Variants in FBXO41 observed in about 807,000 individuals in gnomAD.
The protein encoded by FBXO41 is F-box protein 41.
Under a neutral mutation model 81.6 loss-of-function variants are expected in FBXO41, and 33 were observed. The observed-to-expected ratio is 0.40, with a 90% CI of 0.31 to 0.54. The LOEUF is 0.54. Among genes scored for constraint, FBXO41 ranks in the 20% least tolerant of loss-of-function variants. FBXO41 has a pLI of 0.39. For synonymous variants in FBXO41, 576 were observed against 552.7 expected (o/e 1.04, Z -0.59); for missense variants, 1,107 against 1,236.0 (o/e 0.90, Z 1.56).
At chr2:73,281,811 A>G (rs1047854276) in intron 1 of FBXO41, among the ~76,000 whole-genome samples, 1 of 152,180 alleles carries the variant, frequency 6.6e-6, no homozygotes, top group African/African-American at 2.4e-5. Context: ...TAAATCCAGA[A>G]ATTCTGGGGT....
intron 1 of FBXO41, among the ~76,000 whole-genome samples, chr2:73,281,811 A>C (rs1047854276): frequency 6.6e-6 from 1 of 152,180 alleles, no homozygotes; most frequent in South Asian, 2.1e-4. Flanking sequence ...TAAATCCAGA[A>C]ATTCTGGGGT....
chr2:73,260,361 C>A lies in FBXO41; in HGVS notation c.2449+28G>T. The A allele has an allele frequency of 1.2e-6, 2 of 1,606,896 alleles. No individual in the cohort carries two copies. Among genetic ancestry groups the A allele is most frequent in the Non-Finnish European group, 1.7e-6 (2 of 1,175,808 alleles). On this transcript the variant is annotated intron_variant, in intron 11 of 12. Coordinates refer to ENST00000520530, the MANE Select transcript of FBXO41 (RefSeq NM_001371389.2). This position sits in a 1 kb window ranked among gnomAD's most constrained non-coding sequence, Gnocchi z 5.0. ...GGCCCCGTGGCAGGTGATAGTCGTA[C>A]CCTGCCCCTCATTCCCCCAGTGCTC...
chr2:73,261,782 C>T (rs1688029876), intron 9 of FBXO41, among the ~76,000 whole-genome samples: 1 of 152,222 alleles, frequency 6.6e-6, no homozygotes, highest in African/African-American at 2.4e-5. Flanking sequence ...TTTCCCTAAA[C>T]ATTTCAACCC....
chr2:73,280,080 T>C (rs376931868), intron 1 of FBXO41, among the ~76,000 whole-genome samples: 2 of 151,914 alleles, frequency 1.3e-5, no homozygotes, highest in African/African-American at 2.4e-5. Flanking sequence ...CCAATACCCA[T>C]GTTATATACT....
rs533998261 is a variant in FBXO41, at chr2:73,276,560, CAGAGAGAGAGAGAG to C, written c.-138-6806_-138-6793del. Among the ~76,000 whole-genome samples, 10 of 106,470 alleles carry C rather than the reference CAGAGAGAGAGAGAG, an allele frequency of 9.4e-5. No individual in the cohort carries two copies. The East Asian group carries it at 1.0e-3, about 11-fold the overall frequency. 69.8% of individuals were successfully genotyped at this position (106,470 alleles called of 152,430 possible). On this transcript the variant is annotated intron_variant, in intron 1 of 12. Coordinates refer to ENST00000520530, the MANE Select transcript of FBXO41 (RefSeq NM_001371389.2). Reference sequence around the variant, plus strand: ...TAAACAGCTCTCTGGCAAATCTATTCAGAGAGAGAGAGAGAGAGAGAGAGAGAGAGAGAGAGAGA... The same window carrying C: ...TAAACAGCTCTCTGGCAAATCTATTCAGAGAGAGAGAGAGAGAGAGAGAGA...
rs186483277 is a variant in FBXO41, at chr2:73,256,986, T to C, written c.*1996A>G. On this transcript the variant is annotated 3_prime_UTR_variant, in exon 13 of 13. Transcript: ENST00000520530. ...TAGGAGACAGGGAAGGCAGCACCTC[T>C]GGTTCTGGGGTCACAGGGAGCAGGA... 2 of 153,046 alleles carry C rather than the reference T, an allele frequency of 1.3e-5. No homozygotes were observed. Among genetic ancestry groups the C allele is most frequent in the East Asian group, 1.9e-4 (1 of 5,170 alleles). The allele number at this position is 153,046 out of a possible 1,614,324, so 9.5% of individuals were successfully genotyped here. A position where few individuals can be genotyped will look rare whatever the true frequency, so the allele number is the denominator to read the frequency against.
chr2:73,259,902 A>G lies in FBXO41; in HGVS notation c.2449+487T>C, dbSNP rs1234266294. Among the ~76,000 whole-genome samples, 2 of 152,152 alleles carry G rather than the reference A, an allele frequency of 1.3e-5. No individual in the cohort carries two copies. Among genetic ancestry groups the G allele is most frequent in the African/African-American group, 4.8e-5 (2 of 41,426 alleles). On this transcript the variant is annotated intron_variant, in intron 11 of 12. Coordinates refer to ENST00000520530, the MANE Select transcript of FBXO41 (RefSeq NM_001371389.2). The surrounding 1 kb of genome is among the most constrained non-coding windows in gnomAD (Gnocchi z 4.2). ...TTGGCATGGGGTCCTCTCAGGAGCC[A>G]AAGGGTCCTGGCTGGTGGTCTCCTT... is the stretch of plus-strand genomic sequence containing the variant.
At chr2:73,262,218 G>A (rs985523654) in intron 9 of FBXO41, among the ~76,000 whole-genome samples, 2 of 144,482 alleles carry the variant, frequency 1.4e-5, no homozygotes, top group African/African-American at 5.4e-5. Context: ...GCAAGACTCT[G>A]TCTCAAAAAC....
At chr2:73,265,779 C>A (rs1304449652) in intron 4 of FBXO41, 114 bp downstream of exon 4, 15 of 1,438,244 alleles carry the variant, frequency 1.0e-5, no homozygotes, top group Non-Finnish European at 1.3e-5. Flanking sequence ...GAAAGGCAGA[C>A]ATACGTGACC....
At position 73,265,485 on chromosome 2, in the gene FBXO41, G is replaced by A; in HGVS notation, c.1361C>T (p.Ser454Phe). The A allele has an allele frequency of 6.2e-7, 1 of 1,600,744 alleles. No individual in the cohort carries two copies. The highest frequency in any genetic ancestry group is 8.5e-7 in the Non-Finnish European group (1 of 1,176,944). ...CAGGCCTGAGCTGCGAGGGGGCTGG[G>A]ACCGCTCTGAGCCCCCGTTGGCAGC... ...AQAANGGSERSQPPRSSGLRR... is the reference protein window; with the variant it reads ...AQAANGGSERFQPPRSSGLRR... The change falls in exon 5 of 13, where the codon TCC becomes TTC. Residue 454 changes from serine to phenylalanine, a missense_variant. This residue lies in a region of FBXO41 where 771 missense variants were observed against 789.2 expected (regional missense o/e 0.98). Transcript: ENST00000520530.
intron 1 of FBXO41, among the ~76,000 whole-genome samples, chr2:73,279,898 G>A (rs1463229264): frequency 6.6e-6 from 1 of 152,156 alleles, no homozygotes; most frequent in Non-Finnish European, 1.5e-5. Context: ...GACCTGAAAT[G>A]TATAACAATT....
chr2:73,273,517 C>T (rs563824582), intron 1 of FBXO41, among the ~76,000 whole-genome samples: 1 of 152,282 alleles, frequency 6.6e-6, no homozygotes, highest in South Asian at 2.1e-4. Flanking sequence ...TCCCAGGGAA[C>T]ACACATGACC....
chr2:73,261,719 G>A (rs575266395), intron 9 of FBXO41, among the ~76,000 whole-genome samples: 1 of 152,260 alleles, frequency 6.6e-6, no homozygotes, highest in African/African-American at 2.4e-5. Flanking sequence ...AAATTCCTTA[G>A]CAAGGCCCTT....
chr2:73,276,383 G>C (rs1688681634), intron 1 of FBXO41, among the ~76,000 whole-genome samples: 1 of 151,532 alleles, frequency 6.6e-6, no homozygotes, highest in African/African-American at 2.4e-5. Flanking sequence ...CTCCAGCCTG[G>C]GCAACAAGAG....
intron 1 of FBXO41, among the ~76,000 whole-genome samples, chr2:73,282,495 G>T (rs1438942922): frequency 2.6e-5 from 4 of 152,138 alleles, no homozygotes; most frequent in African/African-American, 9.7e-5. Flanking sequence ...TTGAGCCCAG[G>T]AGTTTGAGAC....
chr2:73,266,480 T>G lies in FBXO41; in HGVS notation c.1108A>C (p.Asn370His). The G allele has an allele frequency of 6.5e-7, 1 of 1,543,408 alleles. No individual in the cohort carries two copies. The highest frequency in any genetic ancestry group is 1.2e-5 in the South Asian group (1 of 84,714). Residue 370 changes from asparagine (N) to histidine (H), a missense_variant, in exon 3 of 13, where the codon AAT (asparagine) becomes CAT (histidine). Physicochemically the swap from Asn to His is moderately conservative, Grantham distance 68. Around this residue, in one of 2 missense-constraint regions of FBXO41, gnomAD observed 771 missense variants for 789.2 expected, o/e 0.98. Coordinates refer to ENST00000520530, the MANE Select transcript of FBXO41 (RefSeq NM_001371389.2). This position sits in a 1 kb window ranked among gnomAD's most constrained non-coding sequence, Gnocchi z 5.3. ...ACCATTCTGCCTGGGCCCCGGGCAT[T>G]GGGTCCAGCACCACCGCCCCCACCT... is the stretch of plus-strand genomic sequence containing the variant. ...RGGGGGGAGPNARGPGRMREH... is the reference protein window; with the variant it reads ...RGGGGGGAGPHARGPGRMREH...
At position 73,269,036 on chromosome 2, in the gene FBXO41, C is replaced by T; in HGVS notation, c.595G>A (p.Glu199Lys). 3.3e-6 allele frequency: 5 copies of T among 1,536,278 alleles called. No individual in the cohort carries two copies. Among genetic ancestry groups the T allele is most frequent in the Non-Finnish European group, 4.4e-6 (5 of 1,145,530 alleles). Residue 199 changes from glutamate (E) to lysine (K), a missense_variant, in exon 2 of 13, where the codon GAA becomes AAA. Glu to Lys is a moderately conservative substitution (Grantham distance 56). Around this residue, in one of 2 missense-constraint regions of FBXO41, gnomAD observed 771 missense variants for 789.2 expected, o/e 0.98. Coordinates refer to ENST00000520530, the MANE Select transcript of FBXO41 (RefSeq NM_001371389.2). This position sits in a 1 kb window ranked among gnomAD's most constrained non-coding sequence, Gnocchi z 7.0. The stretch of plus-strand genomic sequence containing the variant: ...ATCTTGAGGCGCGCCAGGCCCTCTT[C>T]GTAGGCCACATCAGCGGGTGAGGGG... ...ASPSPADVAYEEGLARLKIRA... is the reference protein window; with the variant it reads ...ASPSPADVAYKEGLARLKIRA...
At chr2:73,282,594 T>C (rs1038396797) in intron 1 of FBXO41, among the ~76,000 whole-genome samples, 1 of 152,106 alleles carries the variant, frequency 6.6e-6, no homozygotes, top group African/African-American at 2.4e-5. Flanking sequence ...TCCCAGCTGC[T>C]TGGGAGACTG....
At chr2:73,264,866 G>A (rs1163077476) in intron 5 of FBXO41, among the ~76,000 whole-genome samples, 1 of 152,110 alleles carries the variant, frequency 6.6e-6, no homozygotes, top group African/African-American at 2.4e-5. Context: ...CAGAAGGCAG[G>A]CATGGGGCTG....
Sources: allele counts gnomAD v4.1 joint callset (sites outside exome capture counted in the v4.1 genomes callset), GRCh38; gene constraint gnomAD v4.1.1; regional missense constraint gnomAD v4.1.1; non-coding constraint Gnocchi (gnomAD v3.1); transcripts MANE v1.5; gene names NCBI Gene and HGNC (gene_info 2026-07-23, HGNC 2026-07-21).